Variants in CSMD1 observed in about 807,000 individuals in gnomAD.
The protein encoded by CSMD1 is CUB and sushi domain-containing protein 1.
Under a neutral mutation model 417.5 loss-of-function variants are expected in CSMD1, and 213 were observed. The observed-to-expected ratio is 0.51, with a 90% CI of 0.46 to 0.57. The LOEUF (loss-of-function observed/expected upper bound fraction) is 0.57, where lower values mean the gene tolerates loss of function less well. Among genes scored for constraint, CSMD1 ranks in the 20% least tolerant of loss-of-function variants. The pLI is 0.00. For synonymous variants in CSMD1, 2,862 were observed against 1,736.8 expected (o/e 1.65, Z -16.11); for missense variants, 6,923 against 4,529.7 (o/e 1.53, Z -15.17).
chr8:3,249,149 C>T (rs111431918), intron 26 of CSMD1, among the ~76,000 whole-genome samples: 22 of 152,146 alleles, frequency 1.4e-4, no homozygotes, highest in African/African-American at 5.3e-4. Flanking sequence ...TAAATAGTAA[C>T]TATTATAAGC....
intron 48 of CSMD1, among the ~76,000 whole-genome samples, chr8:3,088,363 C>G (rs1020110658): frequency 6.6e-6 from 1 of 152,214 alleles, no homozygotes; most frequent in African/African-American, 2.4e-5. Context: ...TCCTTAAGAA[C>G]TGGGAATTCT....
intron 5 of CSMD1, among the ~76,000 whole-genome samples, chr8:3,819,643 G>T (rs534496046): frequency 1.3e-5 from 2 of 152,118 alleles, no homozygotes; most frequent in East Asian, 1.9e-4. Context: ...GAGTACAGTG[G>T]AGCAATCATG....
intron 37 of CSMD1, among the ~76,000 whole-genome samples, chr8:3,165,783 T>C (rs976963716): frequency 1.3e-4 from 20 of 151,916 alleles, no homozygotes; most frequent in African/African-American, 4.4e-4. Context: ...AGGACAGTGA[T>C]GGGGATGTTA....
chr8:3,927,695 C>T (rs562618785), intron 5 of CSMD1, among the ~76,000 whole-genome samples: 2 of 151,808 alleles, frequency 1.3e-5, no homozygotes, highest in Non-Finnish European at 2.9e-5. Flanking sequence ...GAAAAGAAAA[C>T]AATTAATATT....
intron 3 of CSMD1, among the ~76,000 whole-genome samples, chr8:4,046,829 G>A (rs906846074): frequency 6.6e-6 from 1 of 152,126 alleles, no homozygotes; most frequent in African/African-American, 2.4e-5. Context: ...TAAGCGCCAG[G>A]CACTTCATGT....
At chr8:3,897,585 G>T (rs2688377) in intron 5 of CSMD1, among the ~76,000 whole-genome samples, 57,645 of 151,190 alleles carry the variant, frequency 0.38, 15,007 homozygotes, top group African/African-American at 0.74. Context: ...AAAAAAAAAA[G>T]GCTATGCATT....
chr8:4,374,955 G>A (rs1802630689), intron 3 of CSMD1, among the ~76,000 whole-genome samples: 2 of 110,898 alleles, frequency 1.8e-5, no homozygotes, highest in Non-Finnish European at 3.9e-5. Flanking sequence ...ACAGACAAAG[G>A]TGGGGTGGGG....
chr8:4,435,631 C>T (rs1798106860), intron 2 of CSMD1, among the ~76,000 whole-genome samples: 2 of 152,180 alleles, frequency 1.3e-5, no homozygotes, highest in South Asian at 4.1e-4. Flanking sequence ...TGGAAGCTAG[C>T]CTACCACCTC....
At chr8:3,180,890 C>T (rs973617135) in intron 37 of CSMD1, among the ~76,000 whole-genome samples, 3 of 152,082 alleles carry the variant, frequency 2.0e-5, no homozygotes, top group Non-Finnish European at 4.4e-5. Context: ...GTGATCCGCC[C>T]ACCTCTTCCT....
At chr8:3,745,570 C>T (rs1289042021) in intron 6 of CSMD1, among the ~76,000 whole-genome samples, 1 of 152,196 alleles carries the variant, frequency 6.6e-6, no homozygotes, top group African/African-American at 2.4e-5. Flanking sequence ...TTTTGCTACG[C>T]TTGCTCCTCA....
intron 2 of CSMD1, among the ~76,000 whole-genome samples, chr8:4,592,968 T>A (rs1371694794): frequency 6.6e-6 from 1 of 152,218 alleles, no homozygotes; most frequent in Non-Finnish European, 1.5e-5. Flanking sequence ...TTTCTATATG[T>A]GTTTTCTCAG....
At chr8:4,717,848 G>C (rs183292155) in intron 1 of CSMD1, among the ~76,000 whole-genome samples, 9 of 152,084 alleles carry the variant, frequency 5.9e-5, no homozygotes, top group African/African-American at 1.2e-4. Context: ...TTCACATTAA[G>C]TCCAAGAATA....
intron 22 of CSMD1, 75 bp downstream of exon 22, chr8:3,347,917 G>A: frequency 7.2e-6 from 7 of 978,496 alleles, no homozygotes; most frequent in South Asian, 1.8e-5. Flanking sequence ...ATATCTATAT[G>A]TAGAAAAATA....
At chr8:4,588,416 A>C (rs915798795) in intron 2 of CSMD1, among the ~76,000 whole-genome samples, 4 of 114,346 alleles carry the variant, frequency 3.5e-5, no homozygotes, top group Non-Finnish European at 7.7e-5. Flanking sequence ...ATAAAGAACT[A>C]TCTCTTCCTC....
At chr8:4,855,140 C>G (rs1420038043) in intron 1 of CSMD1, among the ~76,000 whole-genome samples, 1 of 151,464 alleles carries the variant, frequency 6.6e-6, no homozygotes, top group Admixed American at 6.6e-5. Flanking sequence ...GGAGGCACCC[C>G]CCAGCAGGGG....
intron 12 of CSMD1, among the ~76,000 whole-genome samples, chr8:3,461,092 G>A (rs532218364): frequency 3.2e-4 from 49 of 152,308 alleles, no homozygotes; most frequent in African/African-American, 9.6e-4. Context: ...GGGCCTCACC[G>A]CAGACTCAGG....
At chr8:4,100,045 G>A (rs564852586) in intron 3 of CSMD1, among the ~76,000 whole-genome samples, 85 of 152,024 alleles carry the variant, frequency 5.6e-4, no homozygotes, top group African/African-American at 1.9e-3. Flanking sequence ...ATGTAATAAC[G>A]TGAGCATGCA....
intron 1 of CSMD1, among the ~76,000 whole-genome samples, chr8:4,780,617 AC>A (rs1797107816): frequency 6.6e-6 from 1 of 152,200 alleles, no homozygotes; most frequent in Admixed American, 6.5e-5. Context: ...GTATTTGGTT[AC>A]ATGAACAAGT....
At position 4,042,815 on chromosome 8, in the gene CSMD1, T is replaced by TAA. The variant is rs60411612; in HGVS notation, c.416-10718_416-10717dup. On this transcript the variant is annotated intron_variant, in intron 3 of 69. Transcript: ENST00000635120. ...CAATAGGTGAAGTGGTACAACATAT[T>TAA]AAAAAAAAAAAAAAAAAAAAAAAAA... is the stretch of plus-strand genomic sequence containing the variant. 7.7e-4 allele frequency among the ~76,000 whole-genome samples: 32 copies of TAA among 41,310 alleles called. 3 individuals are homozygous for TAA. The highest frequency in any genetic ancestry group is 1.7e-3 in the South Asian group (1 of 600). 27.1% of individuals were successfully genotyped at this position (41,310 alleles called of 152,430 possible). A position where few individuals can be genotyped will look rare whatever the true frequency, so the allele number is the denominator to read the frequency against.
Sources: gnomAD v4.1 joint callset for allele counts (sites outside exome capture counted in the v4.1 genomes callset) on GRCh38, gnomAD v4.1.1 for gene constraint, MANE v1.5 for transcripts, NCBI Gene and HGNC (gene_info 2026-07-23, HGNC 2026-07-21) for gene names.